The following LOXHD1 variants were observed in gnomAD, a reference collection of about 807,000 sequenced individuals.
LOXHD1 encodes lipoxygenase homology PLAT domains 1.
In LOXHD1, 205 loss-of-function variants were observed where a neutral mutation model predicts 248.2. That is an observed-to-expected ratio of 0.83 (90% CI 0.74 to 0.93). The LOEUF is 0.93. LOXHD1 is among the 40% of genes least tolerant of loss of function. The probability of loss-of-function intolerance (pLI) is 0.00; values close to 1 mark genes in which losing one functional copy is unlikely to be tolerated. For missense variants in LOXHD1, 2,930 were observed against 2,971.6 expected, an observed-to-expected ratio of 0.99 and a Z score of 0.33; for synonymous variants, 1,113 against 1,162.8, an observed-to-expected ratio of 0.96 and a Z score of 0.87.
chr18:46,509,581 T>A (rs559829535), intron 35 of LOXHD1, 117 bp downstream of exon 35: 3 of 781,368 alleles, frequency 3.8e-6, no homozygotes, highest in Admixed American at 4.0e-5. Context: ...GCTGGGTTCA[T>A]GTAATGATCC....
At chr18:46,543,747 A>G (rs1009459101) in intron 23 of LOXHD1, among the ~76,000 whole-genome samples, 1 of 151,992 alleles carries the variant, frequency 6.6e-6, no homozygotes, top group South Asian at 2.1e-4. Context: ...ACCTTACTCA[A>G]AATCATCCGG....
intron 35 of LOXHD1, among the ~76,000 whole-genome samples, chr18:46,509,197 A>T (rs995170791): frequency 1.3e-5 from 2 of 152,174 alleles, no homozygotes; most frequent in Non-Finnish European, 2.9e-5. Flanking sequence ...AGCCCAACTG[A>T]GAGCTTAAGG....
In LOXHD1 at chr18:46,524,455, G is replaced by A; in HGVS notation, c.4876+11C>T. 2.6e-6 allele frequency: 4 copies of A among 1,545,930 alleles called. No individual in the cohort carries two copies. The highest frequency in any genetic ancestry group is 3.5e-6 in the Non-Finnish European group (4 of 1,142,092). ...CTGGCCCCCGTCCAAAGAGCTCCCTGGTTGGCTTACTTGGGCCCTCTTGAA... is the reference window on the plus strand; with the variant it reads ...CTGGCCCCCGTCCAAAGAGCTCCCTAGTTGGCTTACTTGGGCCCTCTTGAA... On this transcript the variant is annotated intron_variant, in intron 31 of 40. Coordinates refer to ENST00000642948, the MANE Select transcript of LOXHD1 (RefSeq NM_001384474.1).
intron 12 of LOXHD1, among the ~76,000 whole-genome samples, chr18:46,587,647 TCTTTA>T (rs949089225): frequency 9.8e-5 from 15 of 152,312 alleles, no homozygotes; most frequent in East Asian, 1.9e-4. Flanking sequence ...GTACAGAGCC[TCTTTA>T]CTTTAATTTT....
At chr18:46,532,334 T>C (rs533293809) in intron 28 of LOXHD1, among the ~76,000 whole-genome samples, 5 of 152,334 alleles carry the variant, frequency 3.3e-5, no homozygotes, top group Admixed American at 6.5e-5. Context: ...ACATGGACGA[T>C]GCCATTGCTG....
At position 46,589,058 on chromosome 18, in the gene LOXHD1, T is replaced by C. The variant is rs141364852; in HGVS notation, c.1654+2875A>G. ...ATGGACCAACAAAGTGGGTGAGTGT[T>C]GGAGGCTGAAAGAATGAGGGTCGTG... is the stretch of plus-strand genomic sequence containing the variant. On this transcript the variant is annotated intron_variant, in intron 12 of 40. Coordinates refer to ENST00000642948, the MANE Select transcript of LOXHD1 (RefSeq NM_001384474.1). 2.6e-5 allele frequency among the ~76,000 whole-genome samples: 4 copies of C among 152,214 alleles called. No homozygotes were observed. In the East Asian group the frequency reaches 7.7e-4, roughly 29 times the overall value.
chr18:46,547,017 T>C lies in LOXHD1; in HGVS notation c.3392A>G (p.Asp1131Gly), dbSNP rs1022606346. ...PCQRWLAVEE[D>G]DGQLSRELLP... ...CAGCTCCCTGGACAGCTGGCCATCA[T>C]CTTCCTCCACTGCCAGCCAACGTTG... Residue 1131 changes from aspartate (D) to glycine (G), a missense_variant, in exon 22 of 41, where the codon GAT (aspartate) becomes GGT (glycine). Transcript: ENST00000642948. The C allele has an allele frequency of 1.9e-6, 3 of 1,551,734 alleles. No homozygotes were observed. Among genetic ancestry groups the C allele is most frequent in the Middle Eastern group, 1.7e-4 (1 of 5,992 alleles).
chr18:46,524,501 G>C lies in LOXHD1; in HGVS notation c.4841C>G (p.Thr1614Ser), dbSNP rs1454908786. 3.2e-6 allele frequency: 5 copies of C among 1,551,708 alleles called. No homozygotes were observed. Among genetic ancestry groups the C allele is most frequent in the Non-Finnish European group, 3.5e-6 (4 of 1,147,002 alleles). ...TTGAACGTAGTCAGCCATGGGCCCG[G>C]TCACTGTGCTGATGTCGACATCGGC... ...KMADVDISTV[T>S]GPMADYVQEG... is the part of the protein sequence containing the mutation. The change falls in exon 31 of 41, where the codon ACC (threonine) becomes AGC (serine). Residue 1614 changes from threonine (T) to serine (S), a missense_variant. By Grantham distance (58) the Thr-to-Ser change is moderately conservative. Coordinates refer to ENST00000642948, the MANE Select transcript of LOXHD1 (RefSeq NM_001384474.1).
chr18:46,502,933 A>T lies in LOXHD1; in HGVS notation c.5878+2905T>A, dbSNP rs145250219. Among the ~76,000 whole-genome samples the T allele has an allele frequency of 1.1e-4, 17 of 152,308 alleles. No homozygotes were observed. In the East Asian group the frequency reaches 3.1e-3, roughly 28 times the overall value. On this transcript the variant is annotated intron_variant, in intron 37 of 40. Coordinates refer to ENST00000642948, the MANE Select transcript of LOXHD1 (RefSeq NM_001384474.1). Reference sequence around the variant, plus strand: ...CTGGGGATACCACTTCTTCCTTCCCAGGGTTCTAATTCCTTTGGGTCTCTG... The same window carrying T: ...CTGGGGATACCACTTCTTCCTTCCCTGGGTTCTAATTCCTTTGGGTCTCTG...
chr18:46,559,707 T>C, intron 19 of LOXHD1, 105 bp from the exon 20 acceptor site: 1 of 1,256,024 alleles, frequency 8.0e-7, no homozygotes, highest in Non-Finnish European at 1.1e-6. Flanking sequence ...CAGAGGGATC[T>C]TCAGATGCAT....
intron 33 of LOXHD1, chr18:46,520,426 G>T: frequency 2.5e-6 from 1 of 393,896 alleles, no homozygotes. Flanking sequence ...AGGGTCAGGT[G>T]AAACAGAGGC....
chr18:46,639,670 G>A lies in LOXHD1; in HGVS notation c.457C>T (p.Arg153Cys), dbSNP rs112618498. Residue 153 changes from arginine (R) to cysteine (C), a missense_variant, in exon 4 of 41, where the codon CGC (arginine) becomes TGC (cysteine). By Grantham distance (180) the Arg-to-Cys change is radical (BLOSUM62 -3). Coordinates refer to ENST00000642948, the MANE Select transcript of LOXHD1 (RefSeq NM_001384474.1). Reference sequence around the variant, plus strand: ...GCCAGCAGGTCACGGCACCACTGGCGGTCACCTTCCACCTTGCTCAGCCAG... The same window carrying A: ...GCCAGCAGGTCACGGCACCACTGGCAGTCACCTTCCACCTTGCTCAGCCAG... ...NNWLSKVEGD[R>C]QWCRDLLASF... 7.5e-4 allele frequency: 1,171 copies of A among 1,551,722 alleles called. 8 individuals carry two copies. In the African/African-American group the frequency reaches 0.014, roughly 19 times the overall value.
In LOXHD1 at chr18:46,569,509, T is replaced by C. The variant is rs1320553051; in HGVS notation, c.2177A>G (p.Asn726Ser). ...IKQVLLVSDN[N>S]LKDYFERGRV... ...GCCACGTTCAAAGTAGTCTTTGAGGTTGTTGTCAGAGACAAGAAGAACTTG... is the reference window on the plus strand; with the variant it reads ...GCCACGTTCAAAGTAGTCTTTGAGGCTGTTGTCAGAGACAAGAAGAACTTG... The change falls in exon 16 of 41, where the codon AAC becomes AGC. Residue 726 changes from asparagine (N) to serine (S), a missense_variant. By Grantham distance (46) the Asn-to-Ser change is conservative. Transcript: ENST00000642948. The C allele has an allele frequency of 1.3e-6, 2 of 1,551,974 alleles. No homozygotes were observed. The highest frequency in any genetic ancestry group is 2.0e-5 in the Admixed American group (1 of 50,988).
chr18:46,517,033 G>A (rs1396135016), intron 34 of LOXHD1, among the ~76,000 whole-genome samples: 1 of 152,158 alleles, frequency 6.6e-6, no homozygotes, highest in Non-Finnish European at 1.5e-5. Context: ...AGGTATGAGG[G>A]GCTCAGAAAG....
At chr18:46,593,477 C>T in intron 10 of LOXHD1, 123 bp downstream of exon 10, 1 of 1,087,636 alleles carries the variant, frequency 9.2e-7, no homozygotes. Flanking sequence ...CCTAAAATCT[C>T]CATCGTACAT....
chr18:46,585,027 A>G (rs780703701), intron 12 of LOXHD1, among the ~76,000 whole-genome samples: 4 of 152,172 alleles, frequency 2.6e-5, no homozygotes, highest in Non-Finnish European at 4.4e-5. Flanking sequence ...TTCATGATTA[A>G]AAAAACCCAT....
chr18:46,547,366 T>C (rs1314346885), intron 21 of LOXHD1, among the ~76,000 whole-genome samples: 2 of 152,218 alleles, frequency 1.3e-5, no homozygotes, highest in Non-Finnish European at 2.9e-5. Flanking sequence ...GAGAGGGACA[T>C]ACGGGGACCT....
At chr18:46,527,167 G>C (rs2035866671) in intron 29 of LOXHD1, among the ~76,000 whole-genome samples, 1 of 151,784 alleles carries the variant, frequency 6.6e-6, no homozygotes, top group African/African-American at 2.4e-5. Flanking sequence ...GAACGCAGAG[G>C]GGAATGGCTT....
At chr18:46,564,084 G>GAA (rs1491565457) in intron 17 of LOXHD1, among the ~76,000 whole-genome samples, 4 of 136,656 alleles carry the variant, frequency 2.9e-5, no homozygotes, top group Admixed American at 2.9e-4. Flanking sequence ...GAAGGAGGGG[G>GAA]AGAGAGAGAG....
Sources: gnomAD v4.1 joint callset for allele counts (sites outside exome capture counted in the v4.1 genomes callset) on GRCh38, gnomAD v4.1.1 for gene constraint, MANE v1.5 for transcripts, NCBI Gene and HGNC (gene_info 2026-07-23, HGNC 2026-07-21) for gene names.